Variants in APP observed in about 807,000 individuals in gnomAD.
The protein encoded by APP is amyloid-beta precursor protein.
In APP, 31 loss-of-function variants were observed where a neutral mutation model predicts 101.4. That is an observed-to-expected ratio of 0.31 (90% CI 0.23 to 0.41). APP has a LOEUF of 0.41. Among genes scored for constraint, APP ranks in the 10% least tolerant of loss-of-function variants. The pLI is 1.00. For missense variants in APP, 839 were observed against 1,003.7 expected, an observed-to-expected ratio of 0.84 and a Z score of 2.22; for synonymous variants, 366 against 364.4, an observed-to-expected ratio of 1.00 and a Z score of -0.05.
chr21:25,942,471 GCTGT>G (rs1355592588), intron 13 of APP: 1 of 152,164 alleles, frequency 6.6e-6, no homozygotes, highest in African/African-American at 2.4e-5. Flanking sequence ...AGTAAGAACG[GCTGT>G]CTAACGAGAC....
intron 8 of APP, among the ~76,000 whole-genome samples, chr21:25,995,408 C>G (rs1314970558): frequency 6.6e-6 from 1 of 150,874 alleles, no homozygotes; most frequent in Non-Finnish European, 1.5e-5. Flanking sequence ...ACCGGCAAAA[C>G]AATGTCAGAA....
intron 11 of APP, among the ~76,000 whole-genome samples, chr21:25,955,983 T>C (rs916178723): frequency 3.9e-5 from 6 of 152,302 alleles, no homozygotes; most frequent in Admixed American, 2.0e-4. Flanking sequence ...TCTCGACATA[T>C]ATGATGACTG....
intron 1 of APP, among the ~76,000 whole-genome samples, chr21:26,168,717 TGTAA>T (rs1014017383): frequency 6.6e-6 from 1 of 152,196 alleles, no homozygotes; most frequent in African/African-American, 2.4e-5. Context: ...TACAAATAAA[TGTAA>T]GTAAGTCATG....
chr21:25,882,640 A>G (rs1475179953), intron 17 of APP, among the ~76,000 whole-genome samples: 1 of 151,840 alleles, frequency 6.6e-6, no homozygotes, highest in African/African-American at 2.4e-5. Context: ...TTGTTTTACT[A>G]TATTTGTTAT....
At chr21:26,002,805 T>C (rs1300816325) in intron 6 of APP, among the ~76,000 whole-genome samples, 1 of 152,150 alleles carries the variant, frequency 6.6e-6, no homozygotes, top group Non-Finnish European at 1.5e-5. Context: ...GTACCAAATA[T>C]GTGTCTTCTT....
At chr21:26,105,042 A>T (rs1197932158) in intron 2 of APP, among the ~76,000 whole-genome samples, 1 of 149,284 alleles carries the variant, frequency 6.7e-6, no homozygotes, top group Non-Finnish European at 1.5e-5. Context: ...TGTCAATGGT[A>T]ACTAATGGTT....
chr21:25,914,604 A>G (rs1174595522), intron 13 of APP, among the ~76,000 whole-genome samples: 2 of 126,422 alleles, frequency 1.6e-5, no homozygotes, highest in Non-Finnish European at 3.1e-5. Flanking sequence ...CCCAGGCTGG[A>G]GTGCAGTGGC....
intron 1 of APP, among the ~76,000 whole-genome samples, chr21:26,117,293 T>C (rs1482803063): frequency 1.3e-5 from 2 of 152,382 alleles, no homozygotes; most frequent in Non-Finnish European, 2.9e-5. Context: ...TACATTTTCA[T>C]ATTAAAACAT....
intron 1 of APP, among the ~76,000 whole-genome samples, chr21:26,112,584 A>G (rs2062353759): frequency 6.6e-6 from 1 of 152,256 alleles, no homozygotes; most frequent in Non-Finnish European, 1.5e-5. Context: ...AAGACTGAAA[A>G]TAATATTTGT....
At chr21:26,106,197 C>T (rs754816101) in intron 2 of APP, among the ~76,000 whole-genome samples, 1 of 152,184 alleles carries the variant, frequency 6.6e-6, no homozygotes, top group Non-Finnish European at 1.5e-5. Context: ...AGTAAACACA[C>T]AGCAGGAAGG....
At chr21:26,125,050 T>C (rs117235873) in intron 1 of APP, among the ~76,000 whole-genome samples, 190 of 152,200 alleles carry the variant, frequency 1.2e-3, no homozygotes, top group Non-Finnish European at 2.3e-3. Flanking sequence ...CTGGTTTGAC[T>C]TGGAGAAGGA....
rs543329028 is a variant in APP at position 25,985,622 on chromosome 21, CT to C, written c.1091-3146del. ...AACTTGCAGACAACAGATTGTGGGA[CT>C]TAGCCTCCATAATTGTTGTGTGAGT... On this transcript the variant is annotated intron_variant, in intron 8 of 17. Transcript: ENST00000346798. Among the ~76,000 whole-genome samples the C allele has an allele frequency of 3.2e-3, 487 of 152,216 alleles. 2 individuals carry two copies. The highest frequency in any genetic ancestry group is 0.011 in the African/African-American group (456 of 41,518).
At position 26,014,105 on chromosome 21, in the gene APP, C is replaced by T. The variant is rs957179870; in HGVS notation, c.865+7735G>A. On this transcript the variant is annotated intron_variant, in intron 6 of 17. Transcript: ENST00000346798. Reference sequence around the variant, plus strand: ...TTGCTCTATAAGGAGGAGCCATTACCCTTTTGCCCTGTTCCCAAATACTCC... The same window carrying T: ...TTGCTCTATAAGGAGGAGCCATTACTCTTTTGCCCTGTTCCCAAATACTCC... Among the ~76,000 whole-genome samples, 5 of 152,116 alleles carry T rather than the reference C, an allele frequency of 3.3e-5. No homozygotes were observed. In the South Asian group the frequency reaches 1.0e-3, roughly 32 times the overall value.
At chr21:26,013,489 T>TA (rs1045648203) in intron 6 of APP, among the ~76,000 whole-genome samples, 4 of 151,822 alleles carry the variant, frequency 2.6e-5, no homozygotes, top group African/African-American at 9.7e-5. Context: ...ACACTTTTTT[T>TA]TTTTTAAAGC....
chr21:26,101,142 C>T (rs946164779), intron 2 of APP, among the ~76,000 whole-genome samples: 1 of 139,670 alleles, frequency 7.2e-6, no homozygotes, highest in Non-Finnish European at 1.5e-5. Context: ...ACTCTGTCGC[C>T]AGGCTGGAGT....
intron 1 of APP, among the ~76,000 whole-genome samples, chr21:26,117,968 C>T (rs1427884779): frequency 6.6e-6 from 1 of 152,180 alleles, no homozygotes; most frequent in Non-Finnish European, 1.5e-5. Context: ...GATCTGGCTT[C>T]TAATTACAAG....
At chr21:26,116,185 AGGCTGTT>A (rs1164449983) in intron 1 of APP, among the ~76,000 whole-genome samples, 2 of 152,236 alleles carry the variant, frequency 1.3e-5, no homozygotes, top group African/African-American at 4.8e-5. Context: ...CAAAAGCAAG[AGGCTGTT>A]TACCAAGTGC....
intron 9 of APP, among the ~76,000 whole-genome samples, chr21:25,980,146 G>A (rs2042374390): frequency 1.3e-5 from 2 of 152,236 alleles, no homozygotes; most frequent in Non-Finnish European, 1.5e-5. Context: ...CAGAACAGCA[G>A]CTTAACGCTG....
rs570321440 is a variant in APP at position 26,086,981 on chromosome 21, C to T, written c.355+2962G>A. On this transcript the variant is annotated intron_variant, in intron 3 of 17. Transcript: ENST00000346798. The stretch of plus-strand genomic sequence containing the variant: ...TAGTTGTATAGCCTGTGAAGAGAGA[C>T]GAAGAACTAACACTGCCTGTCTATT... 2.6e-4 allele frequency among the ~76,000 whole-genome samples: 39 copies of T among 152,276 alleles called. 1 individual carries two copies. Among genetic ancestry groups the T allele is most frequent in the Middle Eastern group, 6.8e-3 (2 of 294 alleles).
Sources: gnomAD v4.1 joint callset for allele counts (sites outside exome capture counted in the v4.1 genomes callset) on GRCh38, gnomAD v4.1.1 for gene constraint, MANE v1.5 for transcripts, NCBI Gene and HGNC (gene_info 2026-07-23, HGNC 2026-07-21) for gene names.